Variants in TENM4 observed in about 807,000 individuals in gnomAD.
TENM4 encodes the protein teneurin transmembrane protein 4.
A neutral mutation model predicts 243.3 loss-of-function variants in TENM4; 82 were observed. The observed-to-expected ratio is 0.34, with a 90% CI of 0.28 to 0.40. The LOEUF (loss-of-function observed/expected upper bound fraction) is 0.40, where lower values mean the gene tolerates loss of function less well. Among genes scored for constraint, TENM4 ranks in the 10% least tolerant of loss-of-function variants. The pLI, the probability that TENM4 is intolerant of heterozygous loss-of-function variation, is 1.00. For synonymous variants in TENM4, 1,412 were observed against 1,456.3 expected (o/e 0.97, Z 0.69); for missense variants, 3,138 against 3,673.3 (o/e 0.85, Z 3.77).
intron 15 of TENM4, among the ~76,000 whole-genome samples, chr11:78,791,352 T>C (rs1398144074): frequency 6.6e-6 from 1 of 152,240 alleles, no homozygotes; most frequent in African/African-American, 2.4e-5. Flanking sequence ...TAGTGAAAGC[T>C]AAACAGGACT....
intron 1 of TENM4, among the ~76,000 whole-genome samples, chr11:79,420,775 G>A (rs577573658): frequency 3.3e-5 from 5 of 152,136 alleles, no homozygotes; most frequent in East Asian, 1.9e-4. Flanking sequence ...CACACAATAC[G>A]GAAAAAATAT....
intron 19 of TENM4, among the ~76,000 whole-genome samples, chr11:78,746,185 T>G (rs1015957921): frequency 8.5e-5 from 13 of 152,206 alleles, no homozygotes; most frequent in Non-Finnish European, 1.9e-4. Flanking sequence ...ACGTTCCTCA[T>G]GTACAGGTGA....
At chr11:78,799,744 C>T (rs577185302) in intron 15 of TENM4, among the ~76,000 whole-genome samples, 3 of 152,248 alleles carry the variant, frequency 2.0e-5, no homozygotes, top group Non-Finnish European at 4.4e-5. Context: ...TTCCACAAAA[C>T]TCAATTGCAA....
At chr11:78,904,552 C>G (rs917933893) in intron 6 of TENM4, among the ~76,000 whole-genome samples, 2 of 152,036 alleles carry the variant, frequency 1.3e-5, no homozygotes, top group African/African-American at 4.8e-5. Context: ...TTAAAAACCA[C>G]TCAACATTTA....
rs1473777183 is a variant in TENM4, at chr11:78,883,105, A to G, written c.1084+6680T>C. On this transcript the variant is annotated intron_variant, in intron 9 of 33. Transcript: ENST00000278550. Reference sequence around the variant, plus strand: ...TTACAGGACAATCCACTCCTGCCACACTGTGGGTGAGGTCCAAGGACGGGT... The same window carrying G: ...TTACAGGACAATCCACTCCTGCCACGCTGTGGGTGAGGTCCAAGGACGGGT... 3.0e-4 allele frequency among the ~76,000 whole-genome samples: 46 copies of G among 152,220 alleles called. 1 individual carries two copies. The highest frequency in any genetic ancestry group is 3.0e-3 in the Admixed American group (46 of 15,280).
Position 78,812,470 on chromosome 11 carries a change from CTTTA to C in TENM4, c.1784-158_1784-155del, listed in dbSNP as rs1241178282. On this transcript the variant is annotated intron_variant, in intron 13 of 33. Transcript: ENST00000278550. ...TGTGCCCATCTGTCTTCTTCTCTTG[CTTTA>C]TTTCTTTCCAGTTTAAACACACCTA... 7.2e-5 allele frequency among the ~76,000 whole-genome samples: 11 copies of C among 152,312 alleles called. No individual in the cohort carries two copies. The South Asian group carries it at 1.9e-3, about 26-fold the overall frequency.
chr11:79,405,922 G>A (rs973471453), intron 1 of TENM4, among the ~76,000 whole-genome samples: 10 of 150,452 alleles, frequency 6.6e-5, no homozygotes, highest in Admixed American at 3.3e-4. Flanking sequence ...CTGGAACTCC[G>A]GATGGGCGAG....
At chr11:79,128,215 G>T (rs1861922688) in intron 4 of TENM4, among the ~76,000 whole-genome samples, 1 of 152,146 alleles carries the variant, frequency 6.6e-6, no homozygotes, top group Admixed American at 6.5e-5. Context: ...GCAAAGCCCT[G>T]GCATCTTCTG....
intron 1 of TENM4, among the ~76,000 whole-genome samples, chr11:79,321,879 A>C (rs1856896851): frequency 6.6e-6 from 1 of 152,164 alleles, no homozygotes; most frequent in African/African-American, 2.4e-5. Context: ...GTCCCTGTGC[A>C]TTGTGGGAAT....
chr11:79,420,068 TTC>T (rs1201269747), intron 1 of TENM4, among the ~76,000 whole-genome samples: 1 of 152,242 alleles, frequency 6.6e-6, no homozygotes, highest in Non-Finnish European at 1.5e-5. Context: ...ACCCACTGTG[TTC>T]TCTTTGTTCC....
intron 4 of TENM4, among the ~76,000 whole-genome samples, chr11:79,082,351 C>T (rs1330588916): frequency 6.6e-6 from 1 of 152,156 alleles, no homozygotes; most frequent in Non-Finnish European, 1.5e-5. Flanking sequence ...TGATTGTGCC[C>T]TCCTGATGCT....
intron 15 of TENM4, among the ~76,000 whole-genome samples, chr11:78,787,585 C>T (rs761117848): frequency 9.2e-5 from 14 of 152,172 alleles, no homozygotes; most frequent in African/African-American, 1.4e-4. Flanking sequence ...CATTTCATGA[C>T]GGCCTGGACT....
chr11:78,864,416 A>G (rs1435960204), intron 9 of TENM4, among the ~76,000 whole-genome samples: 1 of 127,882 alleles, frequency 7.8e-6, no homozygotes, highest in Non-Finnish European at 1.6e-5. Context: ...CCTGGGCGAC[A>G]GAGCGAGACT....
Position 79,149,127 on chromosome 11 carries a change from C to T in TENM4, c.-162-321G>A, listed in dbSNP as rs116290538. Among the ~76,000 whole-genome samples the T allele has an allele frequency of 4.9e-3, 745 of 152,232 alleles. 3 individuals carry two copies. The highest frequency in any genetic ancestry group is 0.017 in the African/African-American group (720 of 41,560). On this transcript the variant is annotated intron_variant, in intron 3 of 33. Coordinates refer to ENST00000278550, the MANE Select transcript of TENM4 (RefSeq NM_001098816.3). ...CATGCAGGGAGTTACTTTGTAGCCT[C>T]ATCTCTTCAACTCTTAGGGAGAGAG... is the stretch of plus-strand genomic sequence containing the variant.
intron 21 of TENM4, 25 bp downstream of exon 21, chr11:78,732,291 G>T (rs769408009): frequency 1.5e-5 from 23 of 1,573,322 alleles, no homozygotes; most frequent in Admixed American, 1.8e-5. Flanking sequence ...AAGCATGGTG[G>T]AATGCAATTA....
intron 1 of TENM4, among the ~76,000 whole-genome samples, chr11:79,419,566 C>G (rs1016970428): frequency 6.6e-6 from 1 of 152,210 alleles, no homozygotes; most frequent in Non-Finnish European, 1.5e-5. Flanking sequence ...CTGGACTTGA[C>G]AGTGTGATAT....
intron 6 of TENM4, among the ~76,000 whole-genome samples, chr11:78,906,403 G>C (rs769380636): frequency 2.0e-5 from 3 of 152,200 alleles, no homozygotes; most frequent in Non-Finnish European, 4.4e-5. Context: ...CCTCAGTGAA[G>C]ACAGTAGCAT....
chr11:78,675,374 C>A (rs912028355), intron 30 of TENM4, among the ~76,000 whole-genome samples: 1 of 152,216 alleles, frequency 6.6e-6, no homozygotes, highest in Non-Finnish European at 1.5e-5. Context: ...TAGTTTGTTT[C>A]ATCTCAGCAG....
chr11:78,855,859 A>C, intron 11 of TENM4, 105 bp downstream of exon 11: 2 of 1,084,386 alleles, frequency 1.8e-6, no homozygotes, highest in Non-Finnish European at 2.7e-6. Flanking sequence ...AAAATATATA[A>C]ATGTCCCTTC....
Sources: gnomAD v4.1 joint callset for allele counts (sites outside exome capture counted in the v4.1 genomes callset) on GRCh38, gnomAD v4.1.1 for gene constraint, MANE v1.5 for transcripts, NCBI Gene and HGNC (gene_info 2026-07-23, HGNC 2026-07-21) for gene names.